Variants in TUBGCP2 observed in about 807,000 individuals in gnomAD.
The protein encoded by TUBGCP2 is gamma-tubulin complex component 2.
TUBGCP2 carries 55 observed loss-of-function variants against 92.2 expected under a neutral mutation model. The ratio of observed to expected loss-of-function variants is 0.60; its 90% CI spans 0.48 to 0.75. The LOEUF (loss-of-function observed/expected upper bound fraction) is 0.75. TUBGCP2 is among the 30% of genes least tolerant of loss of function. TUBGCP2 has a pLI of 0.00. For missense variants in TUBGCP2, 1,093 were observed against 1,188.9 expected (o/e 0.92, Z 1.19); for synonymous variants, 533 against 505.2 (o/e 1.06, Z -0.74).
In TUBGCP2 at chr10:133,288,189, G is replaced by A; in HGVS notation, c.1662C>T (p.Leu554=). The A allele has an allele frequency of 6.2e-7, 1 of 1,613,896 alleles. No individual in the cohort carries two copies. Among genetic ancestry groups the A allele is most frequent in the Non-Finnish European group, 8.5e-7 (1 of 1,179,952 alleles). The change falls in exon 11 of 18, where the codon CTC becomes CTT. Residue 554 remains leucine (L), a synonymous_variant. Coordinates refer to ENST00000252936, the MANE Select transcript of TUBGCP2 (RefSeq NM_006659.4). ...EDITPPRLEA[L]LELALRMSTA... Reference sequence around the variant, plus strand: ...TGCTCATGCGCAGCGCCAGCTCCAGGAGCGCTTCCAGGCGAGGGGGCGTGA... The same window carrying A: ...TGCTCATGCGCAGCGCCAGCTCCAGAAGCGCTTCCAGGCGAGGGGGCGTGA...
upstream of TUBGCP2, chr10:133,311,790 C>G (rs1362270380): frequency 1.2e-6 from 2 of 1,613,560 alleles, no homozygotes; most frequent in Non-Finnish European, 1.7e-6. Flanking sequence ...TGCTCTGAGC[C>G]TGTGGCAGCC....
intron 1 of TUBGCP2, among the ~76,000 whole-genome samples, chr10:133,307,531 A>C (rs1258709762): frequency 6.6e-6 from 1 of 152,244 alleles, no homozygotes; most frequent in Non-Finnish European, 1.5e-5. Flanking sequence ...GTCATGCATC[A>C]CTCAACATTC....
upstream of TUBGCP2, chr10:133,311,857 C>A (rs1301673892): frequency 6.2e-7 from 1 of 1,613,204 alleles, no homozygotes; most frequent in Non-Finnish European, 8.5e-7. Flanking sequence ...TGTCTGAGCT[C>A]TTTCTGAAAC....
rs1242840556 is a variant in TUBGCP2, at chr10:133,288,242, C to T, written c.1609G>A (p.Glu537Lys). ...FFVHFMDLAE[E>K]ELRKPVEDIT... Reference sequence around the variant, plus strand: ...TCCTCCACCGGCTTCCGGAGCTCCTCCTCCGCGAGGTCCATGAAGTGCACG... The same window carrying T: ...TCCTCCACCGGCTTCCGGAGCTCCTTCTCCGCGAGGTCCATGAAGTGCACG... Residue 537 changes from glutamate (E) to lysine (K), a missense_variant, in exon 11 of 18, where the codon GAG (glutamate) becomes AAG (lysine). Glu to Lys is a moderately conservative substitution (Grantham distance 56). Coordinates refer to ENST00000252936, the MANE Select transcript of TUBGCP2 (RefSeq NM_006659.4). 8 of 1,613,674 alleles carry T rather than the reference C, an allele frequency of 5.0e-6. No individual in the cohort carries two copies. The highest frequency in any genetic ancestry group is 1.3e-5 in the African/African-American group (1 of 74,950).
At chr10:133,304,630 G>A (rs1023098980) in intron 1 of TUBGCP2, among the ~76,000 whole-genome samples, 5 of 152,196 alleles carry the variant, frequency 3.3e-5, no homozygotes, top group Middle Eastern at 3.2e-3. Flanking sequence ...AAGAGACCGA[G>A]GGCACGAGCT....
chr10:133,297,723 C>G (rs577065790), intron 5 of TUBGCP2, among the ~76,000 whole-genome samples: 9 of 152,246 alleles, frequency 5.9e-5, no homozygotes, highest in African/African-American at 2.2e-4. Flanking sequence ...CCCTCAAGGA[C>G]CCGGGTGAGC....
At position 133,298,183 on chromosome 10, in the gene TUBGCP2, A is replaced by G. The variant is rs1053677802; in HGVS notation, c.457-72T>C. 4.8e-5 allele frequency: 72 copies of G among 1,499,978 alleles called. 1 individual carries two copies. Among genetic ancestry groups the G allele is most frequent in the Non-Finnish European group, 6.5e-5 (72 of 1,099,882 alleles). 92.9% of individuals were successfully genotyped at this position (1,499,978 alleles called of 1,614,324 possible). A position where few individuals can be genotyped will look rare whatever the true frequency, so the allele number is the denominator to read the frequency against. The stretch of plus-strand genomic sequence containing the variant: ...CGCAAACACTCAACTAAAGACATGC[A>G]TAGAAGCTAGCATCTACGGCAAAGA... On this transcript the variant is annotated intron_variant, in intron 4 of 17. Coordinates refer to ENST00000252936, the MANE Select transcript of TUBGCP2 (RefSeq NM_006659.4).
chr10:133,307,853 A>G (rs1847862948), intron 1 of TUBGCP2, among the ~76,000 whole-genome samples: 1 of 152,252 alleles, frequency 6.6e-6, no homozygotes, highest in African/African-American at 2.4e-5. Context: ...TAAACCACCT[A>G]GAGGAGCCTC....
upstream of TUBGCP2, chr10:133,310,024 G>A: frequency 6.2e-7 from 1 of 1,610,896 alleles, no homozygotes; most frequent in Non-Finnish European, 8.5e-7. Flanking sequence ...CATTGGTGAT[G>A]GGCTCAGAGT....
At chr10:133,306,698 G>C (rs1847828303) in intron 1 of TUBGCP2, among the ~76,000 whole-genome samples, 1 of 152,134 alleles carries the variant, frequency 6.6e-6, no homozygotes, top group Non-Finnish European at 1.5e-5. Context: ...TGGGGCAGGA[G>C]AATGGCATGA....
upstream of TUBGCP2, chr10:133,309,375 G>T (rs755769952): frequency 6.2e-7 from 1 of 1,609,220 alleles, no homozygotes; most frequent in East Asian, 2.2e-5. Context: ...CGCCCACGGC[G>T]CACTTTTCCT....
At chr10:133,282,986 G>GA in intron 15 of TUBGCP2, 92 bp downstream of exon 15, 2 of 1,531,924 alleles carry the variant, frequency 1.3e-6, no homozygotes, top group Non-Finnish European at 1.8e-6. Flanking sequence ...ACAAGGGCAG[G>GA]AAAACGTGAG....
At chr10:133,309,249 G>T, upstream of TUBGCP2, 2 of 1,328,104 alleles carry the variant, frequency 1.5e-6, no homozygotes, top group Non-Finnish European at 2.0e-6. Context: ...GGGCGGGGCC[G>T]GAACGTGGAG....
Position 133,308,838 on chromosome 10 carries a change from A to G in TUBGCP2, c.-55T>C, listed in dbSNP as rs894386217. The G allele has an allele frequency of 3.3e-5, 33 of 1,010,634 alleles. 1 individual carries two copies. Among genetic ancestry groups the G allele is most frequent in the African/African-American group, 1.7e-4 (10 of 59,350 alleles). 62.6% of individuals were successfully genotyped at this position (1,010,634 alleles called of 1,614,324 possible). A position where few individuals can be genotyped will look rare whatever the true frequency, so the allele number is the denominator to read the frequency against. On this transcript the variant is annotated 5_prime_UTR_variant, in exon 1 of 18. Transcript: ENST00000252936. Reference sequence around the variant, plus strand: ...CAGGACTCACCGCAGTCCCGGAGCCACAGCCCCCGCGCAGCCCCCGACGGC... The same window carrying G: ...CAGGACTCACCGCAGTCCCGGAGCCGCAGCCCCCGCGCAGCCCCCGACGGC...
At chr10:133,284,108 C>G in intron 13 of TUBGCP2, 106 bp from the exon 14 acceptor site, 1 of 1,515,502 alleles carries the variant, frequency 6.6e-7, no homozygotes, top group Non-Finnish European at 8.8e-7. Context: ...GTTCTCTGGA[C>G]GTGGCTATTT....
intron 8 of TUBGCP2, among the ~76,000 whole-genome samples, chr10:133,291,242 C>A (rs1029107957): frequency 9.3e-6 from 1 of 108,042 alleles, no homozygotes; most frequent in African/African-American, 5.6e-5. Context: ...ACGCGCCCTC[C>A]GTGTCCCCCA....
At chr10:133,307,137 G>A (rs763588274) in intron 1 of TUBGCP2, among the ~76,000 whole-genome samples, 8 of 152,244 alleles carry the variant, frequency 5.3e-5, no homozygotes, top group Admixed American at 2.6e-4. Context: ...ACATCTAGCC[G>A]TGGCTGCTTC....
intron 5 of TUBGCP2, 106 bp from the exon 6 acceptor site, chr10:133,293,875 T>C (rs923877755): frequency 1.7e-6 from 2 of 1,172,414 alleles, no homozygotes; most frequent in Non-Finnish European, 2.4e-6. Flanking sequence ...TCTTTGTTTA[T>C]GGGTATAAAA....
intron 8 of TUBGCP2, 137 bp from the exon 9 acceptor site, chr10:133,290,106 C>T: frequency 8.1e-7 from 1 of 1,230,116 alleles, no homozygotes; most frequent in Non-Finnish European, 1.1e-6. Flanking sequence ...AAGGGCCGAG[C>T]CTAATCTACC....
Sources: gnomAD v4.1 joint callset for allele counts (sites outside exome capture counted in the v4.1 genomes callset) on GRCh38, gnomAD v4.1.1 for gene constraint, MANE v1.5 for transcripts, NCBI Gene and HGNC (gene_info 2026-07-23, HGNC 2026-07-21) for gene names.